The following CSMD1 variants were observed in gnomAD, a reference collection of about 807,000 sequenced individuals.
CSMD1 encodes the protein CUB and sushi domain-containing protein 1.
CSMD1 carries 213 observed loss-of-function variants against 417.5 expected under a neutral mutation model. The ratio of observed to expected loss-of-function variants is 0.51; its 90% CI spans 0.46 to 0.57. The LOEUF (loss-of-function observed/expected upper bound fraction) is 0.57. Among genes scored for constraint, CSMD1 ranks in the 20% least tolerant of loss-of-function variants. The pLI is 0.00. For missense variants in CSMD1, 6,923 were observed against 4,529.7 expected, an observed-to-expected ratio of 1.53 and a Z score of -15.17; for synonymous variants, 2,862 against 1,736.8, an observed-to-expected ratio of 1.65 and a Z score of -16.11.
intron 1 of CSMD1, among the ~76,000 whole-genome samples, chr8:4,709,069 A>G (rs961368968): frequency 4.6e-5 from 7 of 152,198 alleles, no homozygotes; most frequent in Non-Finnish European, 8.8e-5. Flanking sequence ...TGGGAGCCCT[A>G]GCAAAGTAAT....
At chr8:3,417,100 T>C (rs1216394014) in intron 12 of CSMD1, among the ~76,000 whole-genome samples, 3 of 152,220 alleles carry the variant, frequency 2.0e-5, no homozygotes, top group Non-Finnish European at 4.4e-5. Context: ...AAATTTATTC[T>C]GGATGGGGTA....
At chr8:4,573,398 A>T (rs924571923) in intron 2 of CSMD1, among the ~76,000 whole-genome samples, 1 of 151,852 alleles carries the variant, frequency 6.6e-6, no homozygotes, top group African/African-American at 2.4e-5. Context: ...GGTCTGCTGG[A>T]GTTTGCTGGA....
intron 3 of CSMD1, among the ~76,000 whole-genome samples, chr8:4,361,289 T>C (rs773355203): frequency 8.5e-5 from 13 of 152,286 alleles, no homozygotes; most frequent in Middle Eastern, 3.4e-3. Context: ...TCATAAATAA[T>C]ACAAGATAAA....
chr8:3,652,701 A>T (rs1215657891), intron 7 of CSMD1, among the ~76,000 whole-genome samples: 2 of 152,128 alleles, frequency 1.3e-5, no homozygotes, highest in Non-Finnish European at 2.9e-5. Flanking sequence ...TGCCCATGTG[A>T]TTCAATTATC....
intron 39 of CSMD1, among the ~76,000 whole-genome samples, chr8:3,155,630 G>C (rs1014529149): frequency 2.0e-5 from 3 of 151,614 alleles, no homozygotes; most frequent in Admixed American, 6.6e-5. Context: ...GCCTCCCAAA[G>C]TGCTGGGATT....
intron 1 of CSMD1, among the ~76,000 whole-genome samples, chr8:4,965,216 GAT>G (rs1373397899): frequency 6.6e-6 from 1 of 152,146 alleles, no homozygotes; most frequent in Admixed American, 6.6e-5. Flanking sequence ...CTGATATAAG[GAT>G]TTTAACACAT....
chr8:3,157,722 G>T (rs1251130648), intron 39 of CSMD1, among the ~76,000 whole-genome samples, 175 bp downstream of exon 39: 1 of 152,222 alleles, frequency 6.6e-6, no homozygotes, highest in African/African-American at 2.4e-5. Flanking sequence ...GCATCCAGTG[G>T]GGAAGGTGCA....
chr8:4,018,228 A>G (rs190421925), intron 4 of CSMD1, among the ~76,000 whole-genome samples: 3 of 152,224 alleles, frequency 2.0e-5, no homozygotes, highest in African/African-American at 2.4e-5. Context: ...TATTTTCAGG[A>G]TTCTGACTTT....
At position 3,541,659 on chromosome 8, in the gene CSMD1, T is replaced by C. The variant is rs191177105; in HGVS notation, c.1344+33286A>G. ...TCTTCACTAATCAAATTAATCAAAA[T>C]ATTTTATTTGGACACCCTATAATTA... On this transcript the variant is annotated intron_variant, in intron 10 of 69. Transcript: ENST00000635120. Among the ~76,000 whole-genome samples, 350 of 149,926 alleles carry C rather than the reference T, an allele frequency of 2.3e-3. 2 individuals carry two copies. Among genetic ancestry groups the C allele is most frequent in the African/African-American group, 8.3e-3 (340 of 41,162 alleles).
At chr8:4,504,024 T>C (rs1381250124) in intron 2 of CSMD1, among the ~76,000 whole-genome samples, 1 of 151,458 alleles carries the variant, frequency 6.6e-6, no homozygotes, top group Non-Finnish European at 1.5e-5. Flanking sequence ...AGGTTATCTG[T>C]GTTCTCATGT....
chr8:3,324,510 G>A (rs1806387773), intron 23 of CSMD1, among the ~76,000 whole-genome samples: 1 of 144,966 alleles, frequency 6.9e-6, no homozygotes, highest in Admixed American at 6.9e-5. Flanking sequence ...TCAACCCCCA[G>A]AGACCCAGGA....
chr8:4,062,334 G>A (rs1285540829), intron 3 of CSMD1, among the ~76,000 whole-genome samples: 1 of 152,072 alleles, frequency 6.6e-6, no homozygotes, highest in Non-Finnish European at 1.5e-5. Flanking sequence ...GGTCCAGGGT[G>A]GAGAGTGGCA....
At chr8:4,029,977 C>G (rs531366632) in intron 4 of CSMD1, among the ~76,000 whole-genome samples, 1 of 152,144 alleles carries the variant, frequency 6.6e-6, no homozygotes, top group Admixed American at 6.5e-5. Flanking sequence ...AAATCATTTC[C>G]TTTGACTTTG....
chr8:4,480,443 C>G (rs1801036155), intron 2 of CSMD1, among the ~76,000 whole-genome samples: 1 of 152,174 alleles, frequency 6.6e-6, no homozygotes, highest in South Asian at 2.1e-4. Context: ...CTATTGCGAG[C>G]ATAACCTTCT....
intron 2 of CSMD1, among the ~76,000 whole-genome samples, chr8:4,533,177 C>T (rs763407602): frequency 5.5e-4 from 84 of 152,192 alleles, no homozygotes; most frequent in Non-Finnish European, 9.4e-4. Flanking sequence ...GGTGTACCCA[C>T]GTGGTAGCAT....
intron 3 of CSMD1, among the ~76,000 whole-genome samples, chr8:4,164,827 C>G (rs375397331): frequency 5.7e-4 from 86 of 151,446 alleles, no homozygotes; most frequent in African/African-American, 1.9e-3. Context: ...AGTGAGCTGA[C>G]ATTGTGCCAC....
At chr8:3,968,365 T>C (rs898962216) in intron 5 of CSMD1, among the ~76,000 whole-genome samples, 5 of 152,146 alleles carry the variant, frequency 3.3e-5, no homozygotes, top group Admixed American at 2.6e-4. Flanking sequence ...GAATCCAACC[T>C]GGGCACCAGC....
At chr8:4,871,582 G>T (rs1425302272) in intron 1 of CSMD1, among the ~76,000 whole-genome samples, 6 of 152,040 alleles carry the variant, frequency 3.9e-5, no homozygotes, top group Admixed American at 3.9e-4. Flanking sequence ...TTTTGATAAG[G>T]CAAAGATCAA....
intron 26 of CSMD1, among the ~76,000 whole-genome samples, chr8:3,256,292 G>T (rs1800646038): frequency 7.4e-6 from 1 of 134,764 alleles, no homozygotes; most frequent in Non-Finnish European, 1.6e-5. Context: ...GTTTGACAGA[G>T]CAAGACTAAG....
Sources: allele counts gnomAD v4.1 joint callset (sites outside exome capture counted in the v4.1 genomes callset), GRCh38; gene constraint gnomAD v4.1.1; transcripts MANE v1.5; gene names NCBI Gene and HGNC (gene_info 2026-07-23, HGNC 2026-07-21).